Variants in ERCC6 observed in about 807,000 individuals in gnomAD.
The protein encoded by ERCC6 is DNA excision repair protein ERCC-6.
In ERCC6, 116 loss-of-function variants were observed where a neutral mutation model predicts 158.7. The ratio of observed to expected loss-of-function variants is 0.73; its 90% CI spans 0.63 to 0.85. The LOEUF is 0.85. Among genes scored for constraint, ERCC6 ranks in the 40% least tolerant of loss-of-function variants. The pLI is 0.00. For synonymous variants in ERCC6, 678 were observed against 659.3 expected, an observed-to-expected ratio of 1.03 and a Z score of -0.43; for missense variants, 1,698 against 1,799.4, an observed-to-expected ratio of 0.94 and a Z score of 1.02.
rs754915569 is a variant in ERCC6, at chr10:49,474,021, AC to A, written c.2598+5del. On this transcript the variant is annotated splice_donor_5th_base_variant and intron_variant, in intron 13 of 20. Coordinates refer to ENST00000355832, the MANE Select transcript of ERCC6 (RefSeq NM_000124.4). ...CCTGTTTCCCGTCTGAAGTCTGTGCACTCACCTGCCTTGACTGAGAAAACAG... is the reference window on the plus strand; with the variant it reads ...CCTGTTTCCCGTCTGAAGTCTGTGCATCACCTGCCTTGACTGAGAAAACAG... The A allele has an allele frequency of 6.2e-7, 1 of 1,613,332 alleles. No homozygotes were observed. Among genetic ancestry groups the A allele is most frequent in the Non-Finnish European group, 8.5e-7 (1 of 1,179,654 alleles).
At chr10:49,515,744 G>C in intron 5 of ERCC6, 4 of 1,614,098 alleles carry the variant, frequency 2.5e-6, no homozygotes, top group Non-Finnish European at 3.4e-6. Flanking sequence ...CCATGAACTG[G>C]TTATACACTT....
At chr10:49,483,006 T>G in intron 9 of ERCC6, 143 bp from the exon 10 acceptor site, 1 of 878,558 alleles carries the variant, frequency 1.1e-6, no homozygotes, top group Non-Finnish European at 1.8e-6. Context: ...ACATACACAT[T>G]TTATGCAATT....
intron 7 of ERCC6, 103 bp downstream of exon 7, chr10:49,500,435 T>C: frequency 1.5e-6 from 2 of 1,355,934 alleles, no homozygotes; most frequent in South Asian, 1.2e-5. Flanking sequence ...AATATTGTAA[T>C]TGAAATGTCA....
chr10:49,464,366 G>A (rs1288547415), intron 18 of ERCC6, among the ~76,000 whole-genome samples: 1 of 152,212 alleles, frequency 6.6e-6, no homozygotes, highest in Non-Finnish European at 1.5e-5. Flanking sequence ...CATGGGTGTT[G>A]TTAAAGGCAT....
intron 6 of ERCC6, chr10:49,504,209 C>CT (rs1292888849): frequency 6.6e-6 from 1 of 150,560 alleles, no homozygotes; most frequent in African/African-American, 2.5e-5. Flanking sequence ...AATGGAGACT[C>CT]TATCAATCCT....
chr10:49,504,585 G>A (rs1040977815), intron 6 of ERCC6: 3 of 152,052 alleles, frequency 2.0e-5, no homozygotes, highest in East Asian at 1.9e-4. Context: ...TATAATTTGG[G>A]TATTCCTTTT....
Position 49,515,271 on chromosome 10 carries a change from A to T in ERCC6, c.1397+8762T>A, listed in dbSNP as rs4253074. On this transcript the variant is annotated intron_variant, in intron 5 of 20. Transcript: ENST00000355832. Reference sequence around the variant, plus strand: ...CAAAATTGGAACACTAGGCAAAACCACTGCTACACTGTACATAATGTATAA... The same window carrying T: ...CAAAATTGGAACACTAGGCAAAACCTCTGCTACACTGTACATAATGTATAA... 4.7e-3 allele frequency: 6,842 copies of T among 1,463,444 alleles called. 261 individuals are homozygous for T. The African/African-American group carries it at 0.082, about 17-fold the overall frequency. 90.7% of individuals were successfully genotyped at this position (1,463,444 alleles called of 1,614,324 possible). A position where few individuals can be genotyped will look rare whatever the true frequency, so the allele number is the denominator to read the frequency against.
intron 1 of ERCC6, among the ~76,000 whole-genome samples, chr10:49,533,491 A>G (rs1314571702): frequency 6.6e-6 from 1 of 152,244 alleles, no homozygotes; most frequent in Non-Finnish European, 1.5e-5. Flanking sequence ...AGAAGCTCAG[A>G]AGATTAATTA....
intron 18 of ERCC6, among the ~76,000 whole-genome samples, chr10:49,466,045 T>G (rs1293976707): frequency 6.6e-6 from 1 of 152,142 alleles, no homozygotes; most frequent in Non-Finnish European, 1.5e-5. Context: ...GAAGATAACA[T>G]AGAGTCAACA....
intron 18 of ERCC6, among the ~76,000 whole-genome samples, chr10:49,462,697 A>G (rs953433552): frequency 1.3e-5 from 2 of 152,150 alleles, no homozygotes; most frequent in Non-Finnish European, 2.9e-5. Context: ...AGAAAGAAAA[A>G]TTTTTTAAAT....
intron 8 of ERCC6, among the ~76,000 whole-genome samples, chr10:49,487,002 G>A (rs1394284129): frequency 6.6e-6 from 1 of 152,142 alleles, no homozygotes; most frequent in Non-Finnish European, 1.5e-5. Context: ...AGGAATACAA[G>A]AATAGCTATC....
At chr10:49,481,448 T>C (rs1038003076) in intron 10 of ERCC6, among the ~76,000 whole-genome samples, 41 of 152,248 alleles carry the variant, frequency 2.7e-4, no homozygotes, top group Admixed American at 2.2e-3. Flanking sequence ...AAAATTGTTT[T>C]TGACAATCTT....
At chr10:49,539,151 A>G (rs1004109816), upstream of ERCC6, 1 of 152,298 alleles carries the variant, frequency 6.6e-6, no homozygotes, top group Admixed American at 6.5e-5. Flanking sequence ...TTTGTTTTTA[A>G]GCACGGGCAA....
At chr10:49,465,411 G>A (rs188853102) in intron 18 of ERCC6, among the ~76,000 whole-genome samples, 7 of 152,348 alleles carry the variant, frequency 4.6e-5, no homozygotes, top group African/African-American at 1.2e-4. Context: ...GGTCTTGGAT[G>A]AGACTCTGGA....
intron 8 of ERCC6, among the ~76,000 whole-genome samples, chr10:49,486,064 A>C (rs1851072952): frequency 6.6e-6 from 1 of 152,208 alleles, no homozygotes; most frequent in African/African-American, 2.4e-5. Flanking sequence ...AGAAAGAGGG[A>C]TATTTTATAT....
chr10:49,484,360 C>G (rs1590419284), intron 8 of ERCC6, among the ~76,000 whole-genome samples: 1 of 149,832 alleles, frequency 6.7e-6, no homozygotes, highest in East Asian at 2.0e-4. Flanking sequence ...ATCTACAGAA[C>G]AAAACATCTC....
chr10:49,460,497 G>A (rs764355661), intron 19 of ERCC6, 46 bp from the exon 20 acceptor site: 3 of 1,262,652 alleles, frequency 2.4e-6, no homozygotes, highest in Non-Finnish European at 2.3e-6. Flanking sequence ...TTGCTTTTGA[G>A]ACTTAGAGAT....
rs1368597479 is a variant in ERCC6, at chr10:49,506,019, T to C, written c.1398-7A>G. On this transcript the variant is annotated splice_polypyrimidine_tract_variant and splice_region_variant and intron_variant, in intron 5 of 20. Transcript: ENST00000355832. ...TCTCAGTTTATTCCATCTCCTACCA[T>C]GAAAATAAAAATCACATTTCCATTA... 1.9e-6 allele frequency: 3 copies of C among 1,612,594 alleles called. No individual in the cohort carries two copies. Among genetic ancestry groups the C allele is most frequent in the African/African-American group, 2.7e-5 (2 of 74,862 alleles).
intron 10 of ERCC6, among the ~76,000 whole-genome samples, chr10:49,478,930 A>G (rs1384317990): frequency 6.6e-6 from 1 of 152,190 alleles, no homozygotes; most frequent in East Asian, 1.9e-4. Context: ...AACTCTGGGG[A>G]AAAGCTACAG....
Sources: gnomAD v4.1 joint callset for allele counts (sites outside exome capture counted in the v4.1 genomes callset) on GRCh38, gnomAD v4.1.1 for gene constraint, MANE v1.5 for transcripts, NCBI Gene and HGNC (gene_info 2026-07-23, HGNC 2026-07-21) for gene names.